Variants in ITCH observed in about 807,000 individuals in gnomAD.
ITCH encodes itchy E3 ubiquitin protein ligase, also known as E3 ubiquitin-protein ligase Itchy homolog.
ITCH carries 28 observed loss-of-function variants against 126.8 expected under a neutral mutation model. That is an observed-to-expected ratio of 0.22 (90% CI 0.16 to 0.30). ITCH has a LOEUF of 0.30. Ranked by LOEUF, ITCH falls within the 10% of genes least tolerant of loss-of-function variation. The probability of loss-of-function intolerance (pLI) is 1.00; values close to 1 mark genes in which losing one functional copy is unlikely to be tolerated. For missense variants in ITCH, 631 were observed against 1,032.4 expected, an observed-to-expected ratio of 0.61 and a Z score of 5.33; for synonymous variants, 342 against 340.0, an observed-to-expected ratio of 1.01 and a Z score of -0.06.
At position 34,445,267 on chromosome 20, in the gene ITCH, T is replaced by G. The variant is rs200331724; in HGVS notation, c.966-20T>G. On this transcript the variant is annotated intron_variant, in intron 10 of 24. Coordinates refer to ENST00000374864, the MANE Select transcript of ITCH (RefSeq NM_031483.7). ...TATTTGTTGAATTAGCTTGTTTTTT[T>G]TTTTTTTTTTCTGATTTAGCTGGGA... is the stretch of plus-strand genomic sequence containing the variant. 1.1e-4 allele frequency: 176 copies of G among 1,595,838 alleles called. 2 individuals carry two copies. The East Asian group carries it at 2.4e-3, about 21-fold the overall frequency.
chr20:34,456,072 T>G (rs1350793407), intron 12 of ITCH, among the ~76,000 whole-genome samples: 1 of 150,182 alleles, frequency 6.7e-6, no homozygotes, highest in Admixed American at 6.7e-5. Flanking sequence ...CCTTATATTA[T>G]ATTCCTTATT....
rs1555858490 is a variant in ITCH at position 34,405,157 on chromosome 20, A to AAG, written c.71-3493_71-3492insGA. ...ACCCTGTCTCAAAAAAAAAAAAAAA[A>AAG]AAAAAAAGGTTTCAGTGGGGTTTGG... is the stretch of plus-strand genomic sequence containing the variant. On this transcript the variant is annotated intron_variant, in intron 3 of 24. Transcript: ENST00000374864. Among the ~76,000 whole-genome samples the AAG allele has an allele frequency of 1.0e-4, 15 of 150,718 alleles. 1 individual carries two copies. Among genetic ancestry groups the AAG allele is most frequent in the Admixed American group, 4.0e-4 (6 of 15,098 alleles).
At chr20:34,408,624 G>A (rs1459880210) in intron 3 of ITCH, 27 bp from the exon 4 acceptor site, 5 of 1,591,752 alleles carry the variant, frequency 3.1e-6, no homozygotes, top group Non-Finnish European at 4.3e-6. Context: ...CTCAACTATT[G>A]AAATGTTTTT....
At chr20:34,395,101 T>C (rs544647900) in intron 3 of ITCH, among the ~76,000 whole-genome samples, 1 of 151,690 alleles carries the variant, frequency 6.6e-6, no homozygotes, top group Non-Finnish European at 1.5e-5. Flanking sequence ...TGCGTGGCGG[T>C]GCACACCTGT....
intron 2 of ITCH, among the ~76,000 whole-genome samples, chr20:34,375,696 A>ATTTTTTTTTTTTTTTT (rs5841171): frequency 6.1e-5 from 4 of 65,524 alleles, no homozygotes; most frequent in Admixed American, 4.5e-4. Context: ...GGTAGTTAAA[A>ATTTTTTTTTTTTTTTT]TTTTTTTTTT....
chr20:34,489,933 T>A lies in ITCH; in HGVS notation c.2319+7T>A. 6.2e-7 allele frequency: 1 copy of A among 1,607,318 alleles called. No individual in the cohort carries two copies. The highest frequency in any genetic ancestry group is 8.5e-7 in the Non-Finnish European group (1 of 1,174,254). ...AATCATGTGGTTTTGGCAGGTTTGT[T>A]TTTAAATTTATTTCTATTAGTTGAC... On this transcript the variant is annotated splice_region_variant and intron_variant, in intron 22 of 24. Transcript: ENST00000374864.
intron 20 of ITCH, among the ~76,000 whole-genome samples, chr20:34,488,705 C>T (rs1989303970): frequency 6.6e-6 from 1 of 151,754 alleles, no homozygotes; most frequent in South Asian, 2.1e-4. Context: ...AGAGCGCGAC[C>T]CTGTCTCAAA....
At chr20:34,405,588 G>C (rs1378526123) in intron 3 of ITCH, among the ~76,000 whole-genome samples, 3 of 152,040 alleles carry the variant, frequency 2.0e-5, no homozygotes, top group Non-Finnish European at 1.5e-5. Context: ...GTTGCTCTTT[G>C]TTCTAGGTTT....
intron 7 of ITCH, among the ~76,000 whole-genome samples, chr20:34,437,316 G>C (rs1187096356): frequency 2.0e-5 from 3 of 151,704 alleles, no homozygotes; most frequent in Admixed American, 2.0e-4. Flanking sequence ...CTGTTTCTTT[G>C]TTTGTTTGAG....
In ITCH at chr20:34,393,776, CT is replaced by C; in HGVS notation, c.-21-12del. On this transcript the variant is annotated splice_polypyrimidine_tract_variant and intron_variant, in intron 2 of 24. Transcript: ENST00000374864. ...GAATTTTTGATGTTTACAGTGTCTC[CT>C]TTGCCATGTTCAGGTTTTCCAACCT... The C allele has an allele frequency of 6.7e-7, 1 of 1,490,430 alleles. No homozygotes were observed. Among genetic ancestry groups the C allele is most frequent in the Non-Finnish European group, 9.4e-7 (1 of 1,067,188 alleles). 92.3% of individuals were successfully genotyped at this position (1,490,430 alleles called of 1,614,324 possible).
At chr20:34,401,543 TA>T in intron 3 of ITCH, 1 of 582,748 alleles carries the variant, frequency 1.7e-6, no homozygotes, top group South Asian at 7.6e-5. Flanking sequence ...AAGGGTGGAG[TA>T]AAAAGGCAAC....
In ITCH at chr20:34,412,656, A is replaced by G; in HGVS notation, c.337+17A>G. ...ATATGAAACGTATGTATGTAAGACT[A>G]ATAGAAATTGCACTTAGCTGTTTGT... On this transcript the variant is annotated intron_variant, in intron 5 of 24. Transcript: ENST00000374864. 6.3e-7 allele frequency: 1 copy of G among 1,595,208 alleles called. No individual in the cohort carries two copies. Among genetic ancestry groups the G allele is most frequent in the Non-Finnish European group, 8.6e-7 (1 of 1,163,886 alleles).
intron 6 of ITCH, among the ~76,000 whole-genome samples, chr20:34,423,496 T>G (rs1346780369): frequency 2.0e-5 from 3 of 152,204 alleles, no homozygotes; most frequent in Non-Finnish European, 4.4e-5. Context: ...ACCTAGGTGG[T>G]CGAACTTGAG....
intron 16 of ITCH, chr20:34,475,942 A>C (rs1020981457): frequency 6.9e-7 from 1 of 1,458,658 alleles, no homozygotes; most frequent in Non-Finnish European, 9.6e-7. Flanking sequence ...TCTTGCCCAC[A>C]TCAATGGATT....
chr20:34,489,912 A>G lies in ITCH; in HGVS notation c.2305A>G (p.Met769Val). 6.2e-7 allele frequency: 1 copy of G among 1,613,562 alleles called. No individual in the cohort carries two copies. Among genetic ancestry groups the G allele is most frequent in the Non-Finnish European group, 8.5e-7 (1 of 1,179,552 alleles). ...TTATGCAAGGACCAGCAAACAAATC[A>G]TGTGGTTTTGGCAGGTTTGTTTTTA... ...RHYARTSKQI[M>V]WFWQFVKEID... Residue 769 changes from methionine (M) to valine (V), a missense_variant, in exon 22 of 25, where the codon ATG (methionine) becomes GTG (valine). By Grantham distance (21) the Met-to-Val change is conservative (BLOSUM62 1). Transcript: ENST00000374864.
chr20:34,452,930 G>C (rs1985435866), intron 12 of ITCH, among the ~76,000 whole-genome samples: 1 of 152,202 alleles, frequency 6.6e-6, no homozygotes, highest in Non-Finnish European at 1.5e-5. Flanking sequence ...ATAGGGCTTT[G>C]TATAGGTGCT....
chr20:34,458,902 C>T (rs745623247), intron 13 of ITCH, among the ~76,000 whole-genome samples: 10 of 152,142 alleles, frequency 6.6e-5, no homozygotes, highest in East Asian at 1.9e-4. Context: ...AGGATATAAA[C>T]GTGCATTTGG....
intron 2 of ITCH, among the ~76,000 whole-genome samples, chr20:34,385,307 C>A (rs1240101138): frequency 6.7e-6 from 1 of 150,192 alleles, no homozygotes; most frequent in Non-Finnish European, 1.5e-5. Flanking sequence ...AGGTGATCCG[C>A]TCACCTTGGC....
rs529980006 is a variant in ITCH at position 34,414,917 on chromosome 20, C to CT, written c.475+1040dup. ...ATTCATTATATGTGTGTTAGTAAAT[C>CT]TTACAATCTCTGATTTACTAGTGTG... On this transcript the variant is annotated intron_variant, in intron 6 of 24. Coordinates refer to ENST00000374864, the MANE Select transcript of ITCH (RefSeq NM_031483.7). Among the ~76,000 whole-genome samples the CT allele has an allele frequency of 1.3e-3, 191 of 152,300 alleles. 1 individual carries two copies. The highest frequency in any genetic ancestry group is 4.5e-3 in the African/African-American group (187 of 41,564).
Sources: gnomAD v4.1 joint callset for allele counts (sites outside exome capture counted in the v4.1 genomes callset) on GRCh38, gnomAD v4.1.1 for gene constraint, MANE v1.5 for transcripts, NCBI Gene and HGNC (gene_info 2026-07-23, HGNC 2026-07-21) for gene names.